The following HNRNPUL1 variants were observed in gnomAD, a reference collection of about 807,000 sequenced individuals.
HNRNPUL1 encodes heterogeneous nuclear ribonucleoprotein U-like protein 1.
Under a neutral mutation model 108.5 loss-of-function variants are expected in HNRNPUL1, and 14 were observed. The observed-to-expected ratio is 0.13, with a 90% CI of 0.09 to 0.20. HNRNPUL1 has a LOEUF of 0.20. Ranked by LOEUF, HNRNPUL1 falls within the 10% of genes least tolerant of loss-of-function variation. The pLI is 1.00. For missense variants in HNRNPUL1, 804 were observed against 1,168.3 expected (o/e 0.69, Z 4.55); for synonymous variants, 422 against 445.2 (o/e 0.95, Z 0.66).
intron 10 of HNRNPUL1, among the ~76,000 whole-genome samples, chr19:41,300,334 T>G (rs74394216): frequency 1.3e-5 from 2 of 151,934 alleles, no homozygotes; most frequent in Non-Finnish European, 2.9e-5. Flanking sequence ...TTTTTTTTTT[T>G]GGTCCATTTG....
In HNRNPUL1 at chr19:41,292,331, C is replaced by T; in HGVS notation, c.1086C>T (p.Ala362=). The change falls in exon 8 of 15, where the codon GCC becomes GCT. Residue 362 remains alanine, a synonymous_variant. Transcript: ENST00000392006. The surrounding 1 kb of genome is among the most constrained non-coding windows in gnomAD (Gnocchi z 4.1). ...MGIAFRIQKE[A]LGGQALYPHV... Reference sequence around the variant, plus strand: ...TTGCTTTCCGAATCCAGAAGGAAGCCTTGGGGGGTCAGGCCCTCTATCCTC... The same window carrying T: ...TTGCTTTCCGAATCCAGAAGGAAGCTTTGGGGGGTCAGGCCCTCTATCCTC... The T allele has an allele frequency of 6.2e-7, 1 of 1,614,192 alleles. No homozygotes were observed. The highest frequency in any genetic ancestry group is 8.5e-7 in the Non-Finnish European group (1 of 1,180,036).
At position 41,305,732 on chromosome 19, in the gene HNRNPUL1, C is replaced by G. The variant is rs745373813; in HGVS notation, c.2319C>G (p.Ala773=). The G allele has an allele frequency of 1.2e-6, 2 of 1,614,146 alleles. No homozygotes were observed. Among genetic ancestry groups the G allele is most frequent in the South Asian group, 1.1e-5 (1 of 91,086 alleles). Residue 773 remains alanine (A), a synonymous_variant, in exon 14 of 15, where the codon GCC becomes GCG. Transcript: ENST00000392006. ...NQGGYSQGYT[A]PPPPPPPPPA... ...GAGGTTACAGCCAGGGCTACACAGC[C>G]CCACCGCCTCCACCTCCACCACCAC...
intron 1 of HNRNPUL1, among the ~76,000 whole-genome samples, chr19:41,266,129 C>T (rs2034826678): frequency 6.6e-6 from 1 of 152,036 alleles, no homozygotes; most frequent in South Asian, 2.1e-4. Context: ...CGTGAATCTT[C>T]AGTTAGAAAA....
intron 7 of HNRNPUL1, among the ~76,000 whole-genome samples, chr19:41,286,944 C>T (rs968424779): frequency 4.6e-5 from 7 of 151,846 alleles, no homozygotes; most frequent in Non-Finnish European, 8.8e-5. Flanking sequence ...TCTCGAACTC[C>T]TGACCTCAGA....
chr19:41,303,715 C>T (rs763777906), intron 12 of HNRNPUL1, among the ~76,000 whole-genome samples: 3 of 152,194 alleles, frequency 2.0e-5, no homozygotes, highest in African/African-American at 7.2e-5. Flanking sequence ...TGCTGGGACA[C>T]AGAAACCCAG....
intron 6 of HNRNPUL1, chr19:41,280,883 C>T: frequency 2.9e-6 from 1 of 346,950 alleles, no homozygotes; most frequent in South Asian, 3.4e-5. Context: ...CAACTCCTGT[C>T]TTCCTTCCTC....
intron 10 of HNRNPUL1, 82 bp from the exon 11 acceptor site, chr19:41,301,454 C>A (rs1006046376): frequency 5.1e-6 from 6 of 1,166,226 alleles, no homozygotes; most frequent in Middle Eastern, 2.0e-4. Context: ...TTTCTCAGTC[C>A]CTGGCCTACA....
At chr19:41,304,534 C>T (rs2037432919) in intron 13 of HNRNPUL1, among the ~76,000 whole-genome samples, 1 of 152,248 alleles carries the variant, frequency 6.6e-6, no homozygotes, top group African/African-American at 2.4e-5. Context: ...GCTGTAAGCA[C>T]TGATCCCTCC....
At chr19:41,280,720 G>C (rs1010377601) in intron 6 of HNRNPUL1, among the ~76,000 whole-genome samples, 1 of 152,142 alleles carries the variant, frequency 6.6e-6, no homozygotes, top group African/African-American at 2.4e-5. Flanking sequence ...TGTAGCCTGA[G>C]GAAATCTAGT....
intron 7 of HNRNPUL1, among the ~76,000 whole-genome samples, chr19:41,285,966 C>G (rs1599810251): frequency 6.6e-6 from 1 of 152,120 alleles, no homozygotes; most frequent in South Asian, 2.1e-4. Context: ...CCCAGAAGTT[C>G]AAGACCAGCC....
At chr19:41,291,421 T>C (rs1340119590) in intron 7 of HNRNPUL1, among the ~76,000 whole-genome samples, 1 of 152,164 alleles carries the variant, frequency 6.6e-6, no homozygotes, top group East Asian at 1.9e-4. Context: ...TGCGGTGGCT[T>C]TCCTTCATCT....
At chr19:41,273,157 C>T (rs1027938582) in intron 3 of HNRNPUL1, among the ~76,000 whole-genome samples, 2 of 152,234 alleles carry the variant, frequency 1.3e-5, no homozygotes, top group East Asian at 3.9e-4. Context: ...AGAACACTCG[C>T]TCTGATCCTG....
At chr19:41,293,638 A>G (rs1270484012) in intron 8 of HNRNPUL1, among the ~76,000 whole-genome samples, 1 of 152,114 alleles carries the variant, frequency 6.6e-6, no homozygotes, top group Admixed American at 6.5e-5. Context: ...TACCCACTCC[A>G]TGGGGCCAGT....
chr19:41,269,292 C>G (rs1170582318), intron 2 of HNRNPUL1, among the ~76,000 whole-genome samples: 2 of 151,662 alleles, frequency 1.3e-5, no homozygotes, highest in African/African-American at 4.8e-5. Context: ...ATAGTGAGAC[C>G]CCTTCTCTAC....
chr19:41,296,935 G>A (rs2036927973), intron 10 of HNRNPUL1, among the ~76,000 whole-genome samples: 1 of 152,226 alleles, frequency 6.6e-6, no homozygotes, highest in African/African-American at 2.4e-5. Flanking sequence ...ATCCTTGAGA[G>A]GGAAGGAGAG....
At chr19:41,288,512 G>A (rs533992067) in intron 7 of HNRNPUL1, among the ~76,000 whole-genome samples, 3 of 152,240 alleles carry the variant, frequency 2.0e-5, no homozygotes, top group South Asian at 4.2e-4. Flanking sequence ...CCAAAGTGCT[G>A]AGATTACAAG....
At chr19:41,263,729 C>G (rs1046506197), upstream of HNRNPUL1, among the ~76,000 whole-genome samples, 7 of 152,208 alleles carry the variant, frequency 4.6e-5, no homozygotes, top group Non-Finnish European at 1.0e-4. Flanking sequence ...CTCTGAAGCA[C>G]GGCCAATCTG....
At chr19:41,266,755 G>C (rs1198039801) in intron 1 of HNRNPUL1, among the ~76,000 whole-genome samples, 1 of 152,202 alleles carries the variant, frequency 6.6e-6, no homozygotes, top group African/African-American at 2.4e-5. Context: ...AGAAGAGACA[G>C]GATTTGGGGT....
intron 2 of HNRNPUL1, among the ~76,000 whole-genome samples, chr19:41,269,520 G>A (rs554473771): frequency 2.7e-5 from 4 of 150,042 alleles, no homozygotes; most frequent in African/African-American, 9.8e-5. Flanking sequence ...ATTAAAAGTA[G>A]GTTAGAACAC....
Sources: allele counts gnomAD v4.1 joint callset (sites outside exome capture counted in the v4.1 genomes callset), GRCh38; gene constraint gnomAD v4.1.1; non-coding constraint Gnocchi (gnomAD v3.1); transcripts MANE v1.5; gene names NCBI Gene and HGNC (gene_info 2026-07-23, HGNC 2026-07-21).